CSMD1: variants seen among roughly 807,000 people sequenced by gnomAD.
The protein encoded by CSMD1 is CUB and Sushi multiple domains 1.
Under a neutral mutation model 417.5 loss-of-function variants are expected in CSMD1, and 213 were observed. The ratio of observed to expected loss-of-function variants is 0.51; its 90% CI spans 0.46 to 0.57. CSMD1 has a LOEUF of 0.57. Ranked by LOEUF, CSMD1 falls within the 20% of genes least tolerant of loss-of-function variation. The pLI, the probability that CSMD1 is intolerant of heterozygous loss-of-function variation, is 0.00. For synonymous variants in CSMD1, 2,862 were observed against 1,736.8 expected, an observed-to-expected ratio of 1.65 and a Z score of -16.11; for missense variants, 6,923 against 4,529.7, an observed-to-expected ratio of 1.53 and a Z score of -15.17.
At chr8:3,949,258 A>G (rs75290424) in intron 5 of CSMD1, among the ~76,000 whole-genome samples, 2,652 of 152,288 alleles carry the variant, frequency 0.017, 69 homozygotes, top group African/African-American at 0.06. Flanking sequence ...ATATAATGTT[A>G]TCAACTACAG....
chr8:3,572,074 G>A (rs1799967547), intron 10 of CSMD1, among the ~76,000 whole-genome samples: 1 of 152,150 alleles, frequency 6.6e-6, no homozygotes, highest in Admixed American at 6.5e-5. Flanking sequence ...CTGAGTCGGT[G>A]TCCCTGCAGG....
intron 3 of CSMD1, among the ~76,000 whole-genome samples, chr8:4,303,626 G>C (rs1186529150): frequency 2.0e-5 from 3 of 151,844 alleles, no homozygotes; most frequent in Non-Finnish European, 2.9e-5. Context: ...AGTTCTACCA[G>C]AGGTGACTGG....
rs538744708 is a variant in CSMD1, at chr8:4,165,427, G to A, written c.416-133328C>T. On this transcript the variant is annotated intron_variant, in intron 3 of 69. Transcript: ENST00000635120. ...AATATAAGCATCATGTTTTGTTTGA[G>A]GTGGTGTCATGCTATGTCGCCCAGG... Among the ~76,000 whole-genome samples the A allele has an allele frequency of 2.0e-5, 3 of 152,334 alleles. No individual in the cohort carries two copies. The East Asian group carries it at 5.8e-4, about 29-fold the overall frequency.
chr8:3,930,220 T>C (rs1043899703), intron 5 of CSMD1, among the ~76,000 whole-genome samples: 2 of 150,336 alleles, frequency 1.3e-5, no homozygotes, highest in African/African-American at 2.5e-5. Context: ...ACGTGACAAG[T>C]AAAGTAGAGG....
rs558422247 is a variant in CSMD1 at position 3,463,495 on chromosome 8, C to A, written c.1561+5217G>T. ...AAGCCACGTCCTGCAGCTTCACCTT[C>A]TCTTTAGGGTTTTAGAAGTCACTAC... On this transcript the variant is annotated intron_variant, in intron 12 of 69. Coordinates refer to ENST00000635120, the MANE Select transcript of CSMD1 (RefSeq NM_033225.6). 7.2e-5 allele frequency among the ~76,000 whole-genome samples: 11 copies of A among 152,308 alleles called. No homozygotes were observed. In the South Asian group the frequency reaches 2.3e-3, roughly 32 times the overall value.
At chr8:4,509,812 C>T (rs1395050920) in intron 2 of CSMD1, among the ~76,000 whole-genome samples, 1 of 152,160 alleles carries the variant, frequency 6.6e-6, no homozygotes, top group East Asian at 1.9e-4. Context: ...GATATGGAAA[C>T]TGAAGCATTG....
chr8:3,589,308 C>G (rs186500531), intron 8 of CSMD1, among the ~76,000 whole-genome samples: 1 of 152,056 alleles, frequency 6.6e-6, no homozygotes, highest in Non-Finnish European at 1.5e-5. Flanking sequence ...TGCAGCGTTA[C>G]TCACAATAGC....
chr8:4,732,682 TC>T (rs1563245372), intron 1 of CSMD1, among the ~76,000 whole-genome samples: 1 of 152,142 alleles, frequency 6.6e-6, no homozygotes, highest in African/African-American at 2.4e-5. Flanking sequence ...CCCAGCTGTA[TC>T]CTTGCTCTGA....
chr8:3,288,394 C>T (rs60405136), intron 25 of CSMD1, among the ~76,000 whole-genome samples: 3,761 of 146,872 alleles, frequency 0.026, 727 homozygotes, highest in African/African-American at 0.096. Context: ...CTCCTTGTAC[C>T]TCTGGTAGAA....
chr8:4,459,220 G>A (rs1436122221), intron 2 of CSMD1, among the ~76,000 whole-genome samples: 1 of 152,200 alleles, frequency 6.6e-6, no homozygotes, highest in African/African-American at 2.4e-5. Flanking sequence ...TTCCACCTAT[G>A]TAGGAGGTAT....
intron 52 of CSMD1, among the ~76,000 whole-genome samples, chr8:3,008,943 C>G (rs1808173854): frequency 6.6e-6 from 1 of 152,164 alleles, no homozygotes; most frequent in African/African-American, 2.4e-5. Flanking sequence ...AGGTGAGAGT[C>G]TCCGACAAGT....
At chr8:3,690,914 T>C (rs2623604) in intron 7 of CSMD1, among the ~76,000 whole-genome samples, 21,502 of 152,170 alleles carry the variant, frequency 0.14, 1,638 homozygotes, top group African/African-American at 0.21. Context: ...AACAAATAAA[T>C]TGAATAATTA....
intron 2 of CSMD1, among the ~76,000 whole-genome samples, chr8:4,508,690 G>A (rs1240468441): frequency 2.0e-5 from 3 of 151,988 alleles, no homozygotes; most frequent in Admixed American, 1.3e-4. Context: ...AGCTGGTAGT[G>A]GGTCTGGAAC....
intron 1 of CSMD1, among the ~76,000 whole-genome samples, chr8:4,924,422 A>T (rs1244516624): frequency 6.6e-6 from 1 of 152,162 alleles, no homozygotes; most frequent in East Asian, 1.9e-4. Context: ...GTAATAGTAA[A>T]CATAAGTATA....
intron 20 of CSMD1, among the ~76,000 whole-genome samples, chr8:3,362,122 C>A (rs926828881): frequency 5.9e-5 from 9 of 152,208 alleles, no homozygotes; most frequent in East Asian, 1.9e-4. Flanking sequence ...ATGCGTTACA[C>A]GGTCAATCTT....
At chr8:3,588,310 C>T (rs1436633608) in intron 8 of CSMD1, among the ~76,000 whole-genome samples, 2 of 114,712 alleles carry the variant, frequency 1.7e-5, no homozygotes, top group African/African-American at 6.9e-5. Flanking sequence ...AATAACCAAA[C>T]CAAACATAAA....
At chr8:3,411,986 A>ATATG (rs201340779) in intron 12 of CSMD1, among the ~76,000 whole-genome samples, 802 of 6,952 alleles carry the variant, frequency 0.12, 339 homozygotes, top group Middle Eastern at 0.5. Context: ...ATACACGTAT[A>ATATG]TATACGTGTA....
intron 7 of CSMD1, among the ~76,000 whole-genome samples, chr8:3,685,895 G>T (rs372105646): frequency 6.6e-6 from 1 of 151,890 alleles, no homozygotes; most frequent in Non-Finnish European, 1.5e-5. Context: ...TTTATTGTTC[G>T]TGTTACAAAC....
chr8:4,139,730 G>A (rs1030556866), intron 3 of CSMD1, among the ~76,000 whole-genome samples: 2 of 151,156 alleles, frequency 1.3e-5, no homozygotes, highest in Non-Finnish European at 2.9e-5. Context: ...TGATGCTTGA[G>A]TAGATGAGTA....
Sources: gnomAD v4.1 joint callset for allele counts (sites outside exome capture counted in the v4.1 genomes callset) on GRCh38, gnomAD v4.1.1 for gene constraint, MANE v1.5 for transcripts, NCBI Gene and HGNC (gene_info 2026-07-23, HGNC 2026-07-21) for gene names.